VAC14: variants seen among roughly 807,000 people sequenced by gnomAD.
VAC14 encodes the protein VAC14 component of PIKFYVE complex.
Under a neutral mutation model 85.3 loss-of-function variants are expected in VAC14, and 47 were observed. The ratio of observed to expected loss-of-function variants is 0.55; its 90% CI spans 0.44 to 0.70. VAC14 has a LOEUF of 0.70. Ranked by LOEUF, VAC14 falls within the 30% of genes least tolerant of loss-of-function variation. The probability of loss-of-function intolerance (pLI) is 0.00; values close to 1 mark genes in which losing one functional copy is unlikely to be tolerated. For missense variants in VAC14, 861 were observed against 1,004.3 expected, an observed-to-expected ratio of 0.86 and a Z score of 1.93; for synonymous variants, 447 against 430.5, an observed-to-expected ratio of 1.04 and a Z score of -0.47.
At chr16:70,767,155 G>A (rs2032875999) in intron 10 of VAC14, among the ~76,000 whole-genome samples, 1 of 152,102 alleles carries the variant, frequency 6.6e-6, no homozygotes, top group East Asian at 1.9e-4. Context: ...TTACACATAC[G>A]CGTACTACAG....
At chr16:70,715,636 G>C (rs1334358561) in intron 14 of VAC14, 1 of 152,270 alleles carries the variant, frequency 6.6e-6, no homozygotes, top group Non-Finnish European at 1.5e-5. Context: ...CCTGACAGCT[G>C]TGGCCTAATT....
intron 18 of VAC14, chr16:70,690,858 G>C (rs1219835331): frequency 2.0e-6 from 2 of 985,532 alleles, no homozygotes; most frequent in Non-Finnish European, 2.4e-6. Context: ...CTAGGTCGTT[G>C]CAAAGTAAGG....
chr16:70,718,178 CCAGGCTGT>C (rs2054207599), intron 14 of VAC14, among the ~76,000 whole-genome samples: 1 of 152,208 alleles, frequency 6.6e-6, no homozygotes, highest in South Asian at 2.1e-4. Context: ...TTACTAGGTG[CCAGGCTGT>C]CTCCTAAGCA....
intron 14 of VAC14, among the ~76,000 whole-genome samples, chr16:70,712,945 A>G (rs1385798577): frequency 6.6e-6 from 1 of 152,176 alleles, no homozygotes; most frequent in Non-Finnish European, 1.5e-5. Flanking sequence ...CCTGGCCACG[A>G]TAGTGGAGCT....
At chr16:70,700,180 G>A (rs1225278753) in intron 14 of VAC14, 1 of 152,088 alleles carries the variant, frequency 6.6e-6, no homozygotes, top group Non-Finnish European at 1.5e-5. Context: ...CAGCCCCAAA[G>A]CAACCCCAGA....
intron 13 of VAC14, among the ~76,000 whole-genome samples, chr16:70,741,498 G>A (rs1255530277): frequency 6.6e-6 from 1 of 152,220 alleles, no homozygotes; most frequent in Non-Finnish European, 1.5e-5. Flanking sequence ...GATGCCAGCT[G>A]TGGACACGCG....
At position 70,782,017 on chromosome 16, in the gene VAC14, CAG is replaced by C. The variant is rs1567601530; in HGVS notation, c.812-16_812-15del. The C allele has an allele frequency of 6.2e-7, 1 of 1,612,362 alleles. No homozygotes were observed. The highest frequency in any genetic ancestry group is 1.7e-5 in the Admixed American group (1 of 59,978). ...GGATGAGGTCATCTGGAAGGGGAAT[CAG>C]GGGGTTCAGAGGGGCCAGCACACGC... On this transcript the variant is annotated splice_polypyrimidine_tract_variant and intron_variant, in intron 7 of 18. Coordinates refer to ENST00000261776, the MANE Select transcript of VAC14 (RefSeq NM_018052.5).
In VAC14 at chr16:70,800,873, G is replaced by A; in HGVS notation, c.28C>T (p.Leu10Phe). ...AGGGCGCGCACGATGTTAGGCGTGA[G>A]CGGCGCGAAATCCTTCTCGGGGTTC... The part of the protein sequence containing the change: MNPEKDFAP[L>F]TPNIVRALND... The change falls in exon 1 of 19, where the codon CTC becomes TTC. Residue 10 changes from leucine (L) to phenylalanine (F), a missense_variant. Physicochemically the swap from Leu to Phe is conservative, Grantham distance 22. Transcript: ENST00000261776. 1 of 1,604,742 alleles carries A rather than the reference G, an allele frequency of 6.2e-7. No individual in the cohort carries two copies. Among genetic ancestry groups the A allele is most frequent in the Non-Finnish European group, 8.5e-7 (1 of 1,175,482 alleles).
At chr16:70,688,118 T>C (rs1304077189) in intron 18 of VAC14, 28 bp from the exon 19 acceptor site, 3 of 1,514,292 alleles carry the variant, frequency 2.0e-6, no homozygotes, top group Admixed American at 1.9e-5. Flanking sequence ...AAATGCTCAG[T>C]GTCAGGGATC....
chr16:70,731,972 T>TA (rs1158264715), intron 13 of VAC14, among the ~76,000 whole-genome samples: 3 of 152,122 alleles, frequency 2.0e-5, no homozygotes, highest in African/African-American at 4.8e-5. Context: ...ATGATTTTTT[T>TA]AAAAAAACAA....
chr16:70,687,906 G>A lies in VAC14; in HGVS notation c.*22C>T. On this transcript the variant is annotated 3_prime_UTR_variant, in exon 19 of 19. Transcript: ENST00000261776. Reference sequence around the variant, plus strand: ...AGTGTTTCATGGGACCACTCGGTGGGCCCTCCTCCGTGCCAGGCCTGTCAG... The same window carrying A: ...AGTGTTTCATGGGACCACTCGGTGGACCCTCCTCCGTGCCAGGCCTGTCAG... The A allele has an allele frequency of 1.3e-6, 2 of 1,498,592 alleles. No individual in the cohort carries two copies. Among genetic ancestry groups the A allele is most frequent in the Non-Finnish European group, 9.0e-7 (1 of 1,116,840 alleles). The allele number at this position is 1,498,592 out of a possible 1,614,324, so 92.8% of individuals were successfully genotyped here. A position where few individuals can be genotyped will look rare whatever the true frequency, so the allele number is the denominator to read the frequency against.
intron 12 of VAC14, among the ~76,000 whole-genome samples, chr16:70,752,735 A>T (rs1292177720): frequency 6.6e-6 from 1 of 152,268 alleles, no homozygotes; most frequent in Non-Finnish European, 1.5e-5. Flanking sequence ...CCTCGCTTCC[A>T]ATCTGCTGTG....
intron 10 of VAC14, among the ~76,000 whole-genome samples, chr16:70,764,371 C>T (rs1049426636): frequency 3.3e-5 from 5 of 152,278 alleles, no homozygotes; most frequent in South Asian, 2.1e-4. Flanking sequence ...CTAGTGGTCA[C>T]GTGGCTGGAA....
chr16:70,714,125 G>C (rs1486367041), intron 14 of VAC14: 2 of 152,214 alleles, frequency 1.3e-5, no homozygotes, highest in Non-Finnish European at 2.9e-5. Flanking sequence ...GGGGGCCTGC[G>C]ACCTTGGGCT....
intron 12 of VAC14, among the ~76,000 whole-genome samples, chr16:70,754,257 T>C (rs1195057424): frequency 6.6e-6 from 1 of 152,160 alleles, no homozygotes; most frequent in African/African-American, 2.4e-5. Context: ...TCTGGAAGAA[T>C]GAGGGGTGGG....
At chr16:70,735,562 C>T (rs753911267) in intron 13 of VAC14, among the ~76,000 whole-genome samples, 26 of 152,210 alleles carry the variant, frequency 1.7e-4, no homozygotes, top group Non-Finnish European at 2.2e-4. Context: ...ATGGTCCTGC[C>T]GGGGAGATGG....
chr16:70,772,505 A>G (rs2033292009), intron 9 of VAC14: 2 of 252,870 alleles, frequency 7.9e-6, no homozygotes, highest in Admixed American at 1.0e-4. Flanking sequence ...CTATCAGGAA[A>G]ATGCAAATCC....
chr16:70,753,768 G>C (rs1367729873), intron 12 of VAC14, among the ~76,000 whole-genome samples: 1 of 152,190 alleles, frequency 6.6e-6, no homozygotes, highest in Non-Finnish European at 1.5e-5. Flanking sequence ...TGACAGTCCT[G>C]GTTTAGATGG....
chr16:70,690,891 G>C, intron 18 of VAC14: 19 of 985,480 alleles, frequency 1.9e-5, no homozygotes, highest in Non-Finnish European at 2.3e-5. Flanking sequence ...GGCATTGAAG[G>C]CTAGGGGGTG....
Sources: allele counts gnomAD v4.1 joint callset (sites outside exome capture counted in the v4.1 genomes callset), GRCh38; gene constraint gnomAD v4.1.1; transcripts MANE v1.5; gene names NCBI Gene and HGNC (gene_info 2026-07-23, HGNC 2026-07-21).